Variants in VAV3 observed in about 807,000 individuals in gnomAD.
VAV3 encodes the protein guanine nucleotide exchange factor VAV3.
A neutral mutation model predicts 131.2 loss-of-function variants in VAV3; 94 were observed. The observed-to-expected ratio is 0.72, with a 90% CI of 0.61 to 0.85. The LOEUF is 0.85. VAV3 is among the 40% of genes least tolerant of loss of function. The pLI is 0.00. For missense variants in VAV3, 939 were observed against 1,002.7 expected (o/e 0.94, Z 0.86); for synonymous variants, 349 against 342.0 (o/e 1.02, Z -0.22).
At position 107,777,288 on chromosome 1, in the gene VAV3, G is replaced by A. The variant is rs760349042; in HGVS notation, c.389C>T (p.Pro130Leu). ...IALATGIRPF[P>L]TEESINDEDI... is the part of the protein sequence containing the mutation. ...TTCATCATTAATGCTTTCTTCTGTT[G>A]GGAAGGGCCTAGGAAGAGGAGAAAA... Residue 130 changes from proline to leucine, a missense_variant, in exon 4 of 27, where the codon CCA becomes CTA. Transcript: ENST00000370056. The A allele has an allele frequency of 3.1e-6, 5 of 1,613,818 alleles. No homozygotes were observed. In the East Asian group the frequency reaches 1.1e-4, roughly 36 times the overall value.
chr1:107,823,891 A>G (rs1667902830), intron 2 of VAV3, among the ~76,000 whole-genome samples: 1 of 152,172 alleles, frequency 6.6e-6, no homozygotes, highest in Non-Finnish European at 1.5e-5. Context: ...GCAAGCCAGG[A>G]AGACAGCTCT....
intron 20 of VAV3, among the ~76,000 whole-genome samples, chr1:107,629,334 T>C (rs1305076290): frequency 6.6e-6 from 1 of 152,244 alleles, no homozygotes; most frequent in Admixed American, 6.5e-5. Flanking sequence ...AGTTATCTTT[T>C]CTGGGAAAAT....
chr1:107,886,915 A>G (rs903724219), intron 1 of VAV3, among the ~76,000 whole-genome samples: 1 of 152,234 alleles, frequency 6.6e-6, no homozygotes, highest in Admixed American at 6.5e-5. Flanking sequence ...GTTTAAAAAA[A>G]ATACAACAAA....
chr1:107,643,119 A>T (rs1570670981), intron 19 of VAV3, among the ~76,000 whole-genome samples: 1 of 152,084 alleles, frequency 6.6e-6, no homozygotes, highest in East Asian at 1.9e-4. Context: ...TCTGCCTATT[A>T]CTTTCCTCTT....
intron 15 of VAV3, among the ~76,000 whole-genome samples, chr1:107,746,882 C>CT (rs11313509): frequency 0.011 from 1,637 of 145,454 alleles, 22 homozygotes; most frequent in South Asian, 0.05. Flanking sequence ...TGTCAAATCT[C>CT]TTTTTTTTTT....
At chr1:107,822,291 T>C (rs1667824427) in intron 2 of VAV3, among the ~76,000 whole-genome samples, 1 of 152,066 alleles carries the variant, frequency 6.6e-6, no homozygotes, top group African/African-American at 2.4e-5. Context: ...CAAAGGGTTA[T>C]ATTTGCATTT....
chr1:107,835,244 A>G (rs1668420016), intron 2 of VAV3, among the ~76,000 whole-genome samples: 1 of 152,182 alleles, frequency 6.6e-6, no homozygotes, highest in Admixed American at 6.5e-5. Context: ...ACCCAGCCTC[A>G]GTGCCTTGCC....
At chr1:107,923,055 A>G (rs1672986921) in intron 1 of VAV3, among the ~76,000 whole-genome samples, 1 of 151,716 alleles carries the variant, frequency 6.6e-6, no homozygotes, top group Non-Finnish European at 1.5e-5. Flanking sequence ...GAACATTTCC[A>G]TCACCCTCAA....
intron 15 of VAV3, among the ~76,000 whole-genome samples, chr1:107,743,202 A>G (rs1250294691): frequency 6.6e-6 from 1 of 152,166 alleles, no homozygotes; most frequent in African/African-American, 2.4e-5. Flanking sequence ...TACAATAAAC[A>G]CCCAACAGAG....
chr1:107,641,652 G>A (rs545930284), intron 20 of VAV3, among the ~76,000 whole-genome samples: 1 of 152,238 alleles, frequency 6.6e-6, no homozygotes, highest in African/African-American at 2.4e-5. Context: ...ATAATGCCCA[G>A]AGCACCTCTG....
intron 1 of VAV3, among the ~76,000 whole-genome samples, chr1:107,893,741 G>A (rs967484534): frequency 1.3e-5 from 2 of 151,986 alleles, no homozygotes; most frequent in Non-Finnish European, 2.9e-5. Context: ...ATTTGGGTGG[G>A]GACACAGCCA....
intron 19 of VAV3, chr1:107,668,690 T>C (rs1657576399): frequency 6.1e-6 from 6 of 985,296 alleles, no homozygotes; most frequent in Admixed American, 1.2e-4. Context: ...CCAGGAACTA[T>C]GTTTGGACAG....
At chr1:107,740,805 AT>A (rs1290936601) in intron 15 of VAV3, among the ~76,000 whole-genome samples, 2 of 152,196 alleles carry the variant, frequency 1.3e-5, no homozygotes, top group African/African-American at 4.8e-5. Flanking sequence ...ACACTCATTC[AT>A]TTATGTGAAT....
chr1:107,757,144 T>G (rs1664148098), intron 11 of VAV3, 117 bp downstream of exon 11: 1 of 617,826 alleles, frequency 1.6e-6, no homozygotes, highest in Admixed American at 4.0e-5. Flanking sequence ...TGTATATATA[T>G]GTGTGTATAT....
At chr1:107,925,275 T>G (rs1553231817) in intron 1 of VAV3, among the ~76,000 whole-genome samples, 1 of 152,212 alleles carries the variant, frequency 6.6e-6, no homozygotes, top group Non-Finnish European at 1.5e-5. Context: ...CTATGCTAAC[T>G]ACATAGGAGA....
intron 2 of VAV3, among the ~76,000 whole-genome samples, chr1:107,830,059 G>A (rs961940449): frequency 2.0e-5 from 3 of 152,130 alleles, no homozygotes; most frequent in Non-Finnish European, 2.9e-5. Flanking sequence ...CCCCTTTGAA[G>A]AAAAGTTCCT....
Position 107,749,691 on chromosome 1 carries a change from C to T in VAV3, c.1260-97G>A, listed in dbSNP as rs1394939642. ...AAGCAACCAAATGTTTTTTTCTTTGCATTAAAGACAACAGGTAGTATCATA... is the reference window on the plus strand; with the variant it reads ...AAGCAACCAAATGTTTTTTTCTTTGTATTAAAGACAACAGGTAGTATCATA... On this transcript the variant is annotated intron_variant, in intron 13 of 26. Transcript: ENST00000370056. 8.8e-6 allele frequency: 12 copies of T among 1,364,294 alleles called. 1 individual carries two copies. The East Asian group carries it at 9.6e-5, about 11-fold the overall frequency. 84.5% of individuals were successfully genotyped at this position (1,364,294 alleles called of 1,614,324 possible). A position where few individuals can be genotyped will look rare whatever the true frequency, so the allele number is the denominator to read the frequency against.
chr1:107,820,870 T>C (rs1557866186), intron 2 of VAV3: 3 of 152,188 alleles, frequency 2.0e-5, no homozygotes, highest in Admixed American at 6.5e-5. Context: ...ACTTTTTTAA[T>C]GTATAATAAG....
chr1:107,734,492 C>A (rs1279293004), intron 15 of VAV3, among the ~76,000 whole-genome samples: 1 of 151,988 alleles, frequency 6.6e-6, no homozygotes, highest in East Asian at 1.9e-4. Context: ...CACACAGGCT[C>A]AAAATAAAGG....
Sources: allele counts gnomAD v4.1 joint callset (sites outside exome capture counted in the v4.1 genomes callset), GRCh38; gene constraint gnomAD v4.1.1; transcripts MANE v1.5; gene names NCBI Gene and HGNC (gene_info 2026-07-23, HGNC 2026-07-21).